Variants in PDE12 observed in about 807,000 individuals in gnomAD.
PDE12 encodes phosphodiesterase 12.
In PDE12, 26 loss-of-function variants were observed where a neutral mutation model predicts 45.4. The observed-to-expected ratio is 0.57, with a 90% confidence interval of 0.42 to 0.79. PDE12 has a LOEUF of 0.79. Ranked by LOEUF, PDE12 falls within the 30% of genes least tolerant of loss-of-function variation. The pLI is 0.00. For missense variants in PDE12, 668 were observed against 790.0 expected, an observed-to-expected ratio of 0.85 and a Z score of 1.85; for synonymous variants, 283 against 323.9, an observed-to-expected ratio of 0.87 and a Z score of 1.36.
chr3:57,622,353 G>A, the PDE12 span, among the ~76,000 whole-genome samples: 4 of 152,276 alleles, frequency 2.6e-5, no homozygotes, highest in South Asian at 6.2e-4. Flanking sequence ...TTAGCAAAAT[G>A]TAAATTAAAA....
At chr3:57,617,655 G>C in the PDE12 span, among the ~76,000 whole-genome samples, 1 of 151,850 alleles carries the variant, frequency 6.6e-6, no homozygotes, top group African/African-American at 2.4e-5. Context: ...TTGGGCCCAA[G>C]AGTTTGAGGC....
chr3:57,582,939 ATTTTGCCCC>A, the PDE12 span, among the ~76,000 whole-genome samples: 1 of 152,152 alleles, frequency 6.6e-6, no homozygotes, highest in Admixed American at 6.6e-5. Flanking sequence ...GCAGGGAGCA[ATTTTGCCCC>A]CAGGGGATAT....
chr3:57,601,338 G>C, the PDE12 span, among the ~76,000 whole-genome samples: 1 of 152,022 alleles, frequency 6.6e-6, no homozygotes, highest in African/African-American at 2.4e-5. Context: ...TCGAACTCCT[G>C]ACCTAGGTGG....
chr3:57,613,436 A>G, the PDE12 span, among the ~76,000 whole-genome samples: 2 of 150,844 alleles, frequency 1.3e-5, no homozygotes, highest in African/African-American at 4.9e-5. Context: ...TGCGATTACA[A>G]GCGCCTGCCA....
the PDE12 span, among the ~76,000 whole-genome samples, chr3:57,596,231 C>T: frequency 6.6e-6 from 1 of 152,122 alleles, no homozygotes; most frequent in Non-Finnish European, 1.5e-5. Flanking sequence ...ATTGTAGTTA[C>T]TATTTAACAA....
chr3:57,572,391 A>C, the PDE12 span: 4 of 938,058 alleles, frequency 4.3e-6, no homozygotes, highest in African/African-American at 6.6e-5. Context: ...GAGTCTTTTC[A>C]CACCTCTTGC....
chr3:57,614,850 G>A, the PDE12 span, among the ~76,000 whole-genome samples: 1 of 151,520 alleles, frequency 6.6e-6, no homozygotes, highest in African/African-American at 2.4e-5. Flanking sequence ...AAAATTAGTC[G>A]GGCGTGGTGG....
At chr3:57,612,142 C>CA in the PDE12 span, among the ~76,000 whole-genome samples, 3 of 147,204 alleles carry the variant, frequency 2.0e-5, no homozygotes, top group African/African-American at 5.0e-5. Context: ...ATCACAAGGA[C>CA]AAAAAACCAA....
the PDE12 span, among the ~76,000 whole-genome samples, chr3:57,654,152 T>C: frequency 6.6e-6 from 1 of 151,462 alleles, no homozygotes; most frequent in African/African-American, 2.4e-5. Flanking sequence ...AGACGGGGTT[T>C]CACCGTGTTA....
chr3:57,572,675 C>A, the PDE12 span, among the ~76,000 whole-genome samples: 3 of 152,064 alleles, frequency 2.0e-5, no homozygotes, highest in Non-Finnish European at 2.9e-5. Flanking sequence ...GACTCCGTCT[C>A]AATCAATCAA....
chr3:57,632,525 T>C, the PDE12 span, among the ~76,000 whole-genome samples: 3 of 152,132 alleles, frequency 2.0e-5, no homozygotes, highest in Non-Finnish European at 2.9e-5. Flanking sequence ...TTCAAACAAA[T>C]AGATTTAATG....
chr3:57,562,129 G>C lies in PDE12; in HGVS notation c.*2125G>C. 1.1e-5 allele frequency: 11 copies of C among 978,674 alleles called. No individual in the cohort carries two copies. The highest frequency in any genetic ancestry group is 1.3e-5 in the Non-Finnish European group (11 of 824,088). The allele number at this position is 978,674 out of a possible 1,614,324, so 60.6% of individuals were successfully genotyped here. On this transcript the variant is annotated 3_prime_UTR_variant, in exon 3 of 3. Transcript: ENST00000311180. ...GTTGATAGAACCCTTAGAGTGACTT[G>C]GGAGAAAACAAAGTGTCACATCAAA...
chr3:57,573,175 CTG>C, the PDE12 span, among the ~76,000 whole-genome samples: 2 of 147,126 alleles, frequency 1.4e-5, no homozygotes, highest in Non-Finnish European at 3.0e-5. Flanking sequence ...GCACTCCAGC[CTG>C]GGTGACAGAG....
At chr3:57,594,152 A>C in the PDE12 span, among the ~76,000 whole-genome samples, 19 of 152,176 alleles carry the variant, frequency 1.2e-4, no homozygotes, top group Non-Finnish European at 8.8e-5. Flanking sequence ...GCTACTGAGG[A>C]GGCAGAGGTT....
rs768348683 is a variant in PDE12, at chr3:57,559,931, C to T, written c.1757C>T (p.Thr586Ile). 6.2e-7 allele frequency: 1 copy of T among 1,613,622 alleles called. No homozygotes were observed. The highest frequency in any genetic ancestry group is 8.5e-7 in the Non-Finnish European group (1 of 1,180,002). ...TTACCTAGTCATGAAGAAGTTACCA[C>T]CCACCAGGCCTTACCTAGTGTTTCC... ...IPLPSHEEVT[T>I]HQALPSVSHP... Residue 586 changes from threonine to isoleucine, a missense_variant, in exon 3 of 3, where the codon ACC becomes ATC. Transcript: ENST00000311180.
chr3:57,575,507 C>T, the PDE12 span: 1 of 1,574,330 alleles, frequency 6.4e-7, no homozygotes, highest in Non-Finnish European at 8.6e-7. Context: ...CCTAGTAAGT[C>T]TTAATAGTCA....
chr3:57,595,366 G>A, the PDE12 span, among the ~76,000 whole-genome samples: 1 of 152,144 alleles, frequency 6.6e-6, no homozygotes, highest in Non-Finnish European at 1.5e-5. Context: ...ATCACAGTCC[G>A]AAGTCCTCCC....
chr3:57,651,920 A>AT, the PDE12 span, among the ~76,000 whole-genome samples: 630 of 152,292 alleles, frequency 4.1e-3, 6 homozygotes, highest in African/African-American at 0.015. Context: ...GATTTAAAAT[A>AT]TGTCCAGGCT....
chr3:57,579,783 T>C, the PDE12 span, among the ~76,000 whole-genome samples: 1 of 152,166 alleles, frequency 6.6e-6, no homozygotes, highest in Non-Finnish European at 1.5e-5. Flanking sequence ...CTATACCACC[T>C]GGAAAACCAT....
Sources: allele counts gnomAD v4.1 joint callset (sites outside exome capture counted in the v4.1 genomes callset), GRCh38; gene constraint gnomAD v4.1.1; transcripts MANE v1.5; gene names NCBI Gene and HGNC (gene_info 2026-07-23, HGNC 2026-07-21).